Variants in RFTN1 observed in about 807,000 individuals in gnomAD.
RFTN1 encodes raftlin.
In RFTN1, 26 loss-of-function variants were observed where a neutral mutation model predicts 46.5. That is an observed-to-expected ratio of 0.56 (90% confidence interval 0.41 to 0.78). The LOEUF (loss-of-function observed/expected upper bound fraction) is 0.78, where lower values mean the gene tolerates loss of function less well. RFTN1 is among the 30% of genes least tolerant of loss of function. The pLI is 0.00. For synonymous variants in RFTN1, 261 were observed against 284.2 expected, an observed-to-expected ratio of 0.92 and a Z score of 0.82; for missense variants, 693 against 718.7, an observed-to-expected ratio of 0.96 and a Z score of 0.41.
intron 5 of RFTN1, among the ~76,000 whole-genome samples, chr3:16,372,269 A>C (rs1320443386): frequency 6.6e-6 from 1 of 152,206 alleles, no homozygotes; most frequent in Non-Finnish European, 1.5e-5. Context: ...GCTCAATCCC[A>C]ACAAGGACCC....
Position 16,323,621 on chromosome 3 carries a change from C to T in RFTN1, c.1251-164G>A, listed in dbSNP as rs531373197. 3.3e-5 allele frequency among the ~76,000 whole-genome samples: 5 copies of T among 152,302 alleles called. No homozygotes were observed. In the South Asian group the frequency reaches 1.0e-3, roughly 32 times the overall value. Reference sequence around the variant, plus strand: ...CTCTTCCGCTCCCAGGCCATCCAACCTTGCTTCCGAGGGGCTATCTCAGAT... The same window carrying T: ...CTCTTCCGCTCCCAGGCCATCCAACTTTGCTTCCGAGGGGCTATCTCAGAT... On this transcript the variant is annotated intron_variant, in intron 8 of 9. Transcript: ENST00000334133.
chr3:16,401,468 C>A (rs1575226170), intron 4 of RFTN1, among the ~76,000 whole-genome samples: 1 of 152,182 alleles, frequency 6.6e-6, no homozygotes, highest in Non-Finnish European at 1.5e-5. Flanking sequence ...GCAAAACTTA[C>A]CCGTGGCATC....
chr3:16,478,179 T>G (rs1299540017), intron 2 of RFTN1, among the ~76,000 whole-genome samples: 1 of 152,184 alleles, frequency 6.6e-6, no homozygotes, highest in Non-Finnish European at 1.5e-5. Context: ...TGGGGGAGTT[T>G]AAGTGACTTG....
rs142665124 is a variant in RFTN1, at chr3:16,384,820, C to A, written c.442-6718G>T. On this transcript the variant is annotated intron_variant, in intron 4 of 9. Coordinates refer to ENST00000334133, the MANE Select transcript of RFTN1 (RefSeq NM_015150.2). The surrounding 1 kb of genome is among the most constrained non-coding windows in gnomAD (Gnocchi z 4.7). ...GTCACATGAGTCACATTTCAAGCAC[C>A]CACCAGCCACTTGTGGCTAGTGATG... Among the ~76,000 whole-genome samples the A allele has an allele frequency of 3.3e-5, 5 of 152,130 alleles. No homozygotes were observed. Among genetic ancestry groups the A allele is most frequent in the African/African-American group, 1.2e-4 (5 of 41,500 alleles).
intron 6 of RFTN1, among the ~76,000 whole-genome samples, chr3:16,360,936 T>G (rs1313150661): frequency 6.6e-6 from 1 of 152,210 alleles, no homozygotes; most frequent in Non-Finnish European, 1.5e-5. Flanking sequence ...TTAGACAAAC[T>G]TTAAGGAAAT....
intron 8 of RFTN1, among the ~76,000 whole-genome samples, chr3:16,323,979 C>G (rs2459641): frequency 0.3 from 46,338 of 152,064 alleles, 7,803 homozygotes; most frequent in Non-Finnish European, 0.37. Context: ...GCCTGTTAAC[C>G]AGCTCTGGCT....
chr3:16,345,788 C>CTGTGTG lies in RFTN1; in HGVS notation c.1146+12138_1146+12143dup, dbSNP rs370820242. On this transcript the variant is annotated intron_variant, in intron 7 of 9. Transcript: ENST00000334133. This position sits in a 1 kb window ranked among gnomAD's most constrained non-coding sequence, Gnocchi z 5.2. Reference sequence around the variant, plus strand: ...TGAGCCAAAACCTTATAATAAATCTCTGTGTGTGTGTGTGTGTGTGTGTGT... The same window carrying CTGTGTG: ...TGAGCCAAAACCTTATAATAAATCTCTGTGTGTGTGTGTGTGTGTGTGTGTGTGTGT... 5.3e-3 allele frequency among the ~76,000 whole-genome samples: 673 copies of CTGTGTG among 127,234 alleles called. 3 individuals carry two copies. The highest frequency in any genetic ancestry group is 0.03 in the South Asian group (107 of 3,586). 83.5% of individuals were successfully genotyped at this position (127,234 alleles called of 152,430 possible).
intron 2 of RFTN1, among the ~76,000 whole-genome samples, chr3:16,464,965 A>G (rs911184097): frequency 4.6e-5 from 7 of 152,180 alleles, no homozygotes; most frequent in African/African-American, 1.4e-4. Context: ...TATTCCAGCC[A>G]TCTCCCCACT....
intron 6 of RFTN1, among the ~76,000 whole-genome samples, chr3:16,364,816 G>A (rs538455206): frequency 6.6e-6 from 1 of 152,296 alleles, no homozygotes; most frequent in East Asian, 1.9e-4. Context: ...TATAAAGTCT[G>A]TACAGTTCAA....
chr3:16,428,068 G>T lies in RFTN1; in HGVS notation c.332+5783C>A, dbSNP rs1050666472. 3.3e-5 allele frequency among the ~76,000 whole-genome samples: 5 copies of T among 152,162 alleles called. No homozygotes were observed. Among genetic ancestry groups the T allele is most frequent in the Admixed American group, 1.3e-4 (2 of 15,284 alleles). On this transcript the variant is annotated intron_variant, in intron 3 of 9. Coordinates refer to ENST00000334133, the MANE Select transcript of RFTN1 (RefSeq NM_015150.2). The surrounding 1 kb of genome is among the most constrained non-coding windows in gnomAD (Gnocchi z 4.7). ...TAGATAAGTTTCTTGAGATCTAGGA[G>T]CTCCTTAGAGTCATCTTTGCATAGT...
In RFTN1 at chr3:16,359,540, C is replaced by T. The variant is rs571018070; in HGVS notation, c.1031-1493G>A. ...AGAGCCCTCTCTCTCCCTTTCCTGGCGTGTGTAAAGAGGAAAAGCCACGTG... is the reference window on the plus strand; with the variant it reads ...AGAGCCCTCTCTCTCCCTTTCCTGGTGTGTGTAAAGAGGAAAAGCCACGTG... On this transcript the variant is annotated intron_variant, in intron 6 of 9. Transcript: ENST00000334133. 3.9e-5 allele frequency among the ~76,000 whole-genome samples: 6 copies of T among 152,098 alleles called. No individual in the cohort carries two copies. In the East Asian group the frequency reaches 5.8e-4, roughly 15 times the overall value.
chr3:16,435,688 A>G (rs561723223), intron 2 of RFTN1, among the ~76,000 whole-genome samples: 9 of 152,318 alleles, frequency 5.9e-5, no homozygotes, highest in East Asian at 1.9e-4. Flanking sequence ...ACCATGGAGT[A>G]TGCAAACTTT....
In RFTN1 at chr3:16,384,478, G is replaced by T. The variant is rs114785469; in HGVS notation, c.442-6376C>A. The stretch of plus-strand genomic sequence containing the variant: ...TATCGATTCCAGGTCCTACGTGAGA[G>T]GCTGAAGTGTGGCAGGGAGGCTTTC... On this transcript the variant is annotated intron_variant, in intron 4 of 9. Transcript: ENST00000334133. The surrounding 1 kb of genome is among the most constrained non-coding windows in gnomAD (Gnocchi z 4.7). Among the ~76,000 whole-genome samples, 1,992 of 152,308 alleles carry T rather than the reference G, an allele frequency of 0.013. 48 individuals are homozygous for T. Among genetic ancestry groups the T allele is most frequent in the African/African-American group, 0.046 (1,894 of 41,558 alleles).
chr3:16,439,223 A>G (rs890061735), intron 2 of RFTN1, among the ~76,000 whole-genome samples: 25 of 152,218 alleles, frequency 1.6e-4, no homozygotes, highest in African/African-American at 5.8e-4. Context: ...TTAAAAATAC[A>G]AAAGAAAACA....
chr3:16,453,209 G>A (rs559638580), intron 2 of RFTN1, among the ~76,000 whole-genome samples: 26 of 152,286 alleles, frequency 1.7e-4, no homozygotes, highest in Admixed American at 1.3e-3. Context: ...TCAAACCCAC[G>A]CATTCAGAGC....
In RFTN1 at chr3:16,512,719, A is replaced by G. The variant is rs931397983; in HGVS notation, c.-9+723T>C. On this transcript the variant is annotated intron_variant, in intron 1 of 9. Transcript: ENST00000334133. This position sits in a 1 kb window ranked among gnomAD's most constrained non-coding sequence, Gnocchi z 4.3. ...AACCACCTCCTCCTCGCCCAGACCC[A>G]TATCCATCCTGGCGTCCCTTGAGTC... 1 of 152,448 alleles carries G rather than the reference A, an allele frequency of 6.6e-6. No homozygotes were observed. Among genetic ancestry groups the G allele is most frequent in the Admixed American group, 6.5e-5 (1 of 15,286 alleles). 9.4% of individuals were successfully genotyped at this position (152,448 alleles called of 1,614,324 possible). A position where few individuals can be genotyped will look rare whatever the true frequency, so the allele number is the denominator to read the frequency against.
At chr3:16,434,977 T>C (rs540646059) in intron 2 of RFTN1, among the ~76,000 whole-genome samples, 1 of 152,368 alleles carries the variant, frequency 6.6e-6, no homozygotes, top group East Asian at 1.9e-4. Flanking sequence ...TTTCACCTAT[T>C]GAATTATTTT....
chr3:16,444,316 C>T (rs1445879217), intron 2 of RFTN1, among the ~76,000 whole-genome samples: 2 of 152,196 alleles, frequency 1.3e-5, no homozygotes, highest in South Asian at 2.1e-4. Flanking sequence ...AATTAAACTA[C>T]TGGATTTACA....
At chr3:16,411,313 C>A (rs1346877925) in intron 3 of RFTN1, among the ~76,000 whole-genome samples, 2 of 152,190 alleles carry the variant, frequency 1.3e-5, no homozygotes, top group African/African-American at 4.8e-5. Flanking sequence ...AAAGCAATTT[C>A]TGCTACCATT....
Sources: allele counts gnomAD v4.1 joint callset (sites outside exome capture counted in the v4.1 genomes callset), GRCh38; gene constraint gnomAD v4.1.1; non-coding constraint Gnocchi (gnomAD v3.1); transcripts MANE v1.5; gene names NCBI Gene and HGNC (gene_info 2026-07-23, HGNC 2026-07-21).